Variants in ADAMTS12 observed in about 807,000 individuals in gnomAD.
The protein encoded by ADAMTS12 is A disintegrin and metalloproteinase with thrombospondin motifs 12.
ADAMTS12 carries 118 observed loss-of-function variants against 167.8 expected under a neutral mutation model. The ratio of observed to expected loss-of-function variants is 0.70; its 90% CI spans 0.61 to 0.82. The LOEUF (loss-of-function observed/expected upper bound fraction) is 0.82. ADAMTS12 is among the 40% of genes least tolerant of loss of function. ADAMTS12 has a pLI of 0.00. For missense variants in ADAMTS12, 1,916 were observed against 1,998.8 expected, an observed-to-expected ratio of 0.96 and a Z score of 0.79; for synonymous variants, 704 against 716.9, an observed-to-expected ratio of 0.98 and a Z score of 0.29.
At chr5:33,566,911 G>C (rs556133653) in intron 19 of ADAMTS12, among the ~76,000 whole-genome samples, 1 of 152,172 alleles carries the variant, frequency 6.6e-6, no homozygotes, top group African/African-American at 2.4e-5. Context: ...TGATTGACTG[G>C]GATGGTGACC....
In ADAMTS12 at chr5:33,844,792, C is replaced by T. The variant is rs578227747; in HGVS notation, c.489+36327G>A. Among the ~76,000 whole-genome samples, 22 of 152,208 alleles carry T rather than the reference C, an allele frequency of 1.4e-4. No individual in the cohort carries two copies. In the East Asian group the frequency reaches 4.1e-3, roughly 28 times the overall value. On this transcript the variant is annotated intron_variant, in intron 2 of 23. Transcript: ENST00000504830. ...CACTAATAAAAACTTGCTGGTTTTG[C>T]GGCTTGTGGGGCATCACGGAACCTA...
intron 2 of ADAMTS12, among the ~76,000 whole-genome samples, chr5:33,802,488 C>T (rs1258898678): frequency 6.6e-6 from 1 of 152,190 alleles, no homozygotes; most frequent in African/African-American, 2.4e-5. Flanking sequence ...GGATGGACCA[C>T]CCACTGGTGC....
chr5:33,532,116 G>T (rs936192779), intron 23 of ADAMTS12, among the ~76,000 whole-genome samples: 1 of 152,074 alleles, frequency 6.6e-6, no homozygotes, highest in African/African-American at 2.4e-5. Flanking sequence ...GCCTCTGCTG[G>T]TTCAACAAAA....
chr5:33,814,848 G>A (rs1747589164), intron 2 of ADAMTS12, among the ~76,000 whole-genome samples: 1 of 152,182 alleles, frequency 6.6e-6, no homozygotes, highest in Non-Finnish European at 1.5e-5. Context: ...GGGGACTACT[G>A]TGACCTCGAC....
intron 2 of ADAMTS12, among the ~76,000 whole-genome samples, chr5:33,822,580 G>A (rs1747906825): frequency 6.6e-6 from 1 of 152,064 alleles, no homozygotes; most frequent in Non-Finnish European, 1.5e-5. Context: ...TGGCTGGTGG[G>A]TTGCAGCAAA....
Position 33,624,215 on chromosome 5 carries a change from T to C in ADAMTS12, c.2143+16A>G, listed in dbSNP as rs780609731. On this transcript the variant is annotated intron_variant, in intron 14 of 23. Coordinates refer to ENST00000504830, the MANE Select transcript of ADAMTS12 (RefSeq NM_030955.4). The stretch of plus-strand genomic sequence containing the variant: ...CTTTGGTCCCCTGCCACTTCGATTA[T>C]TTATTTGTTTATTACCAGATCCTTC... 7 of 1,613,726 alleles carry C rather than the reference T, an allele frequency of 4.3e-6. No homozygotes were observed. The South Asian group carries it at 7.7e-5, about 18-fold the overall frequency.
chr5:33,852,862 A>G (rs1373125091), intron 2 of ADAMTS12, among the ~76,000 whole-genome samples: 2 of 152,224 alleles, frequency 1.3e-5, no homozygotes, highest in Non-Finnish European at 2.9e-5. Flanking sequence ...TCATCAATAA[A>G]AAGGCAAACA....
Position 33,649,696 on chromosome 5 carries a change from A to G in ADAMTS12, c.1192T>C (p.Phe398Leu). The change falls in exon 8 of 24, where the codon TTC becomes CTC. Residue 398 changes from phenylalanine to leucine, a missense_variant and splice_region_variant. By Grantham distance (22) the Phe-to-Leu change is conservative. Transcript: ENST00000504830. ...FTIAHELGHS[F>L]GIQHDGKEND... ...TCTTTCCCATCATGCTGGATGCCGA[A>G]GCTGGCAGGGAAGAACCAAGCACAA... The G allele has an allele frequency of 1.2e-6, 2 of 1,613,728 alleles. No homozygotes were observed. Among genetic ancestry groups the G allele is most frequent in the South Asian group, 1.1e-5 (1 of 91,026 alleles).
intron 1 of ADAMTS12, among the ~76,000 whole-genome samples, chr5:33,891,198 C>T (rs1750829575): frequency 1.3e-5 from 2 of 152,062 alleles, no homozygotes; most frequent in Non-Finnish European, 2.9e-5. Flanking sequence ...AGGTATAGTT[C>T]CCCCAAAAGG....
chr5:33,881,054 T>G (rs774694735), intron 2 of ADAMTS12, 65 bp downstream of exon 2: 8 of 1,562,260 alleles, frequency 5.1e-6, no homozygotes, highest in Non-Finnish European at 6.9e-6. Context: ...CTGTTGGTAG[T>G]AGGTCTACCA....
intron 5 of ADAMTS12, among the ~76,000 whole-genome samples, chr5:33,670,953 T>A (rs1295715872): frequency 6.6e-6 from 1 of 152,098 alleles, no homozygotes; most frequent in East Asian, 1.9e-4. Context: ...AACAAATAGG[T>A]ACATATCATA....
intron 2 of ADAMTS12, among the ~76,000 whole-genome samples, chr5:33,756,511 T>G (rs536540269): frequency 6.6e-6 from 1 of 152,090 alleles, no homozygotes; most frequent in Admixed American, 6.5e-5. Context: ...ACAGCCAAAA[T>G]AATAAGTCAG....
At chr5:33,621,882 T>A (rs1350310717) in intron 14 of ADAMTS12, among the ~76,000 whole-genome samples, 3 of 152,234 alleles carry the variant, frequency 2.0e-5, no homozygotes, top group Admixed American at 2.0e-4. Flanking sequence ...ACCTGGTATA[T>A]GTTTTGAGAA....
intron 7 of ADAMTS12, among the ~76,000 whole-genome samples, chr5:33,651,419 ACAAT>A (rs1740864930): frequency 6.6e-6 from 1 of 152,208 alleles, no homozygotes; most frequent in South Asian, 2.1e-4. Flanking sequence ...TGCATTATAC[ACAAT>A]CAGTGATGAA....
At chr5:33,783,939 T>C (rs1304939660) in intron 2 of ADAMTS12, among the ~76,000 whole-genome samples, 1 of 151,850 alleles carries the variant, frequency 6.6e-6, no homozygotes, top group African/African-American at 2.4e-5. Flanking sequence ...CCCTCATGAA[T>C]AAGGATATAA....
intron 2 of ADAMTS12, among the ~76,000 whole-genome samples, chr5:33,815,904 T>C (rs1372874074): frequency 6.6e-6 from 1 of 152,202 alleles, no homozygotes; most frequent in Non-Finnish European, 1.5e-5. Context: ...TCAGTTCACA[T>C]ACCAAGAAAA....
At chr5:33,642,813 T>A (rs1314427132) in intron 10 of ADAMTS12, among the ~76,000 whole-genome samples, 2 of 152,144 alleles carry the variant, frequency 1.3e-5, no homozygotes, top group Non-Finnish European at 2.9e-5. Flanking sequence ...CCTGCCACAC[T>A]CAAGCTGCAT....
intron 2 of ADAMTS12, among the ~76,000 whole-genome samples, chr5:33,866,302 C>G (rs1820180): frequency 0.031 from 4,778 of 152,050 alleles, 202 homozygotes; most frequent in East Asian, 0.2. Flanking sequence ...ACTTACAGCT[C>G]ACTGATCTTT....
chr5:33,880,630 G>A (rs1041442434), intron 2 of ADAMTS12, among the ~76,000 whole-genome samples: 1 of 152,252 alleles, frequency 6.6e-6, no homozygotes, highest in African/African-American at 2.4e-5. Context: ...AGAAAACAGA[G>A]GCACAAAGGG....
Sources: gnomAD v4.1 joint callset for allele counts (sites outside exome capture counted in the v4.1 genomes callset) on GRCh38, gnomAD v4.1.1 for gene constraint, MANE v1.5 for transcripts, NCBI Gene and HGNC (gene_info 2026-07-23, HGNC 2026-07-21) for gene names.